Variants in MYT1L observed in about 807,000 individuals in gnomAD.
The protein encoded by MYT1L is myelin transcription factor 1 like.
Under a neutral mutation model 126.7 loss-of-function variants are expected in MYT1L, and 12 were observed. The observed-to-expected ratio is 0.09, with a 90% confidence interval of 0.06 to 0.15. The LOEUF (loss-of-function observed/expected upper bound fraction) is 0.15, where lower values mean the gene tolerates loss of function less well. Ranked by LOEUF, MYT1L falls within the 10% of genes least tolerant of loss-of-function variation. The pLI is 1.00. For synonymous variants in MYT1L, 541 were observed against 604.2 expected, an observed-to-expected ratio of 0.90 and a Z score of 1.53; for missense variants, 979 against 1,585.2, an observed-to-expected ratio of 0.62 and a Z score of 6.49.
At chr2:1,904,060 T>A (rs1177827238) in intron 13 of MYT1L, among the ~76,000 whole-genome samples, 3 of 152,184 alleles carry the variant, frequency 2.0e-5, no homozygotes, top group Non-Finnish European at 4.4e-5. Context: ...GTACAGAGGT[T>A]TTCTTTACAC....
chr2:1,935,336 C>A (rs1240339924), intron 9 of MYT1L, among the ~76,000 whole-genome samples: 1 of 152,038 alleles, frequency 6.6e-6, no homozygotes, highest in Non-Finnish European at 1.5e-5. Context: ...AAAAACACAC[C>A]GTGTTTTGAA....
chr2:1,987,748 G>A (rs2061156745), intron 5 of MYT1L, among the ~76,000 whole-genome samples: 2 of 152,146 alleles, frequency 1.3e-5, no homozygotes, highest in East Asian at 1.9e-4. Context: ...AGGACCTCTG[G>A]AGCATCCTGG....
chr2:1,980,735 T>C (rs2060544523), intron 5 of MYT1L, among the ~76,000 whole-genome samples: 1 of 152,172 alleles, frequency 6.6e-6, no homozygotes, highest in Non-Finnish European at 1.5e-5. Flanking sequence ...AAAAATCACA[T>C]GTCTGTCTTT....
intron 2 of MYT1L, among the ~76,000 whole-genome samples, chr2:2,176,788 C>T (rs979209558): frequency 6.6e-6 from 1 of 152,146 alleles, no homozygotes; most frequent in African/African-American, 2.4e-5. Context: ...CATGAATCAC[C>T]ATGCCTGGCC....
intron 2 of MYT1L, among the ~76,000 whole-genome samples, chr2:2,190,042 C>T (rs981374888): frequency 3.9e-5 from 6 of 152,192 alleles, no homozygotes; most frequent in Admixed American, 1.3e-4. Context: ...CAGGTAACAC[C>T]TCAGTGTTTC....
At chr2:1,792,742 C>T (rs886145765) in intron 23 of MYT1L, among the ~76,000 whole-genome samples, 9 of 151,804 alleles carry the variant, frequency 5.9e-5, no homozygotes, top group Admixed American at 1.3e-4. Flanking sequence ...TGGTGGCGTG[C>T]GCCTGTAATC....
intron 2 of MYT1L, among the ~76,000 whole-genome samples, chr2:2,259,920 C>G (rs1295323222): frequency 6.6e-6 from 1 of 152,178 alleles, no homozygotes; most frequent in Non-Finnish European, 1.5e-5. Flanking sequence ...ACACAGTAGC[C>G]TAATGTATGT....
In MYT1L at chr2:2,184,401, C is replaced by T. The variant is rs183160574; in HGVS notation, c.-420-11413G>A. ...CCCATAAAGGTTGGGACAGAACGGA[C>T]GAAGGCCCTCAGTGCTTCCAATCCA... On this transcript the variant is annotated intron_variant, in intron 2 of 24. Coordinates refer to ENST00000647738, the MANE Select transcript of MYT1L (RefSeq NM_001303052.2). Among the ~76,000 whole-genome samples, 85 of 152,296 alleles carry T rather than the reference C, an allele frequency of 5.6e-4. 1 individual carries two copies. Among genetic ancestry groups the T allele is most frequent in the East Asian group, 3.1e-3 (16 of 5,178 alleles).
Position 2,101,328 on chromosome 2 carries a change from C to T in MYT1L, c.-303-47205G>A, listed in dbSNP as rs558033795. Among the ~76,000 whole-genome samples the T allele has an allele frequency of 9.2e-5, 14 of 152,182 alleles. No homozygotes were observed. In the East Asian group the frequency reaches 1.7e-3, roughly 19 times the overall value. On this transcript the variant is annotated intron_variant, in intron 3 of 24. Coordinates refer to ENST00000647738, the MANE Select transcript of MYT1L (RefSeq NM_001303052.2). ...GACCCAGTCCTTCCTCTCTCATATG[C>T]CATTCACATGACTGTATGCTGGCTG...
chr2:2,301,512 T>C (rs1411515610), intron 1 of MYT1L, among the ~76,000 whole-genome samples: 2 of 152,120 alleles, frequency 1.3e-5, no homozygotes, highest in Non-Finnish European at 2.9e-5. Flanking sequence ...AATATAGCCA[T>C]TCTAAAAGTT....
At chr2:2,098,016 G>A (rs2077634952) in intron 3 of MYT1L, among the ~76,000 whole-genome samples, 1 of 152,156 alleles carries the variant, frequency 6.6e-6, no homozygotes, top group South Asian at 2.1e-4. Flanking sequence ...ATATAGAAAT[G>A]CCTGTTTCTT....
chr2:2,044,539 T>C (rs1490208789), intron 4 of MYT1L, among the ~76,000 whole-genome samples: 2 of 152,178 alleles, frequency 1.3e-5, no homozygotes, highest in South Asian at 2.1e-4. Flanking sequence ...CTTTTGAAAA[T>C]GCTAGAGTCT....
At chr2:2,044,267 A>G (rs748733168) in intron 4 of MYT1L, among the ~76,000 whole-genome samples, 6 of 152,236 alleles carry the variant, frequency 3.9e-5, no homozygotes, top group Non-Finnish European at 7.3e-5. Flanking sequence ...TTTAGTTACA[A>G]TTAAAGTCTT....
At chr2:1,877,637 T>C (rs2047073868) in intron 18 of MYT1L, among the ~76,000 whole-genome samples, 1 of 152,074 alleles carries the variant, frequency 6.6e-6, no homozygotes, top group African/African-American at 2.4e-5. Context: ...CGGTGAGAGC[T>C]GAGGAATGGG....
At chr2:1,897,834 C>T (rs2148918435) in intron 14 of MYT1L, among the ~76,000 whole-genome samples, 1 of 152,256 alleles carries the variant, frequency 6.6e-6, no homozygotes, top group African/African-American at 2.4e-5. Context: ...CTTCCAGGCG[C>T]CCAGAACATC....
At chr2:2,041,630 C>T (rs998564822) in intron 4 of MYT1L, among the ~76,000 whole-genome samples, 3 of 152,156 alleles carry the variant, frequency 2.0e-5, no homozygotes, top group Admixed American at 6.5e-5. Context: ...AGGAGCCCGT[C>T]CCCCATGGCC....
intron 8 of MYT1L, among the ~76,000 whole-genome samples, chr2:1,971,338 C>G (rs138092770): frequency 6.6e-6 from 1 of 152,298 alleles, no homozygotes; most frequent in African/African-American, 2.4e-5. Flanking sequence ...CAGACAGGCA[C>G]CAGGCAAACT....
chr2:1,910,696 T>A lies in MYT1L; in HGVS notation c.1710-349A>T, dbSNP rs1449827423. Among the ~76,000 whole-genome samples, 2 of 152,180 alleles carry A rather than the reference T, an allele frequency of 1.3e-5. No individual in the cohort carries two copies. The highest frequency in any genetic ancestry group is 3.9e-4 in the East Asian group (2 of 5,150). ...TTTCTGGAGATGAAGAATTAACAGCTTGGGTAGGATGAGTTTTGAAGCCCC... is the reference window on the plus strand; with the variant it reads ...TTTCTGGAGATGAAGAATTAACAGCATGGGTAGGATGAGTTTTGAAGCCCC... On this transcript the variant is annotated intron_variant, in intron 12 of 24. Coordinates refer to ENST00000647738, the MANE Select transcript of MYT1L (RefSeq NM_001303052.2). This position sits in a 1 kb window ranked among gnomAD's most constrained non-coding sequence, Gnocchi z 4.8.
intron 3 of MYT1L, among the ~76,000 whole-genome samples, chr2:2,142,661 T>C (rs2084184811): frequency 6.6e-6 from 1 of 152,082 alleles, no homozygotes; most frequent in Non-Finnish European, 1.5e-5. Flanking sequence ...CTGATGTATA[T>C]AGACAAGCAA....
Sources: gnomAD v4.1 joint callset for allele counts (sites outside exome capture counted in the v4.1 genomes callset) on GRCh38, gnomAD v4.1.1 for gene constraint, Gnocchi (gnomAD v3.1) non-coding constraint, MANE v1.5 for transcripts, NCBI Gene and HGNC (gene_info 2026-07-23, HGNC 2026-07-21) for gene names.